SNX6: variants seen among roughly 807,000 people sequenced by gnomAD.
SNX6 encodes sorting nexin 6, also known as sorting nexin-6.
In SNX6, 34 loss-of-function variants were observed where a neutral mutation model predicts 63.0. The observed-to-expected ratio is 0.54, with a 90% CI of 0.41 to 0.72. The LOEUF (loss-of-function observed/expected upper bound fraction) is 0.72. SNX6 is among the 30% of genes least tolerant of loss of function. SNX6 has a pLI of 0.00. For synonymous variants in SNX6, 170 were observed against 164.2 expected (o/e 1.04, Z -0.27); for missense variants, 398 against 471.4 (o/e 0.84, Z 1.44).
chr14:34,619,647 A>C (rs1448817926), intron 2 of SNX6, among the ~76,000 whole-genome samples: 1 of 152,168 alleles, frequency 6.6e-6, no homozygotes, highest in Non-Finnish European at 1.5e-5. Flanking sequence ...TGTAATATAA[A>C]ATTAACTGCT....
intron 6 of SNX6, among the ~76,000 whole-genome samples, chr14:34,599,773 CAA>C (rs58894384): frequency 1.5e-5 from 2 of 129,338 alleles, no homozygotes; most frequent in Non-Finnish European, 3.2e-5. Flanking sequence ...GACTCTGTCT[CAA>C]AAAAAAAAAA....
In SNX6 at chr14:34,608,189, A is replaced by G. The variant is rs116322269; in HGVS notation, c.160-49T>C. On this transcript the variant is annotated intron_variant, in intron 3 of 13. Coordinates refer to ENST00000362031, the MANE Select transcript of SNX6 (RefSeq NM_152233.4). ...AATAAAAATCAAATTTACACTAAAA[A>G]GTTTTTTGAAACTGGGTCTTGCTCT... 2.8e-4 allele frequency: 311 copies of G among 1,125,284 alleles called. 1 individual carries two copies. The African/African-American group carries it at 4.0e-3, about 15-fold the overall frequency. The allele number at this position is 1,125,284 out of a possible 1,614,324, so 69.7% of individuals were successfully genotyped here.
intron 2 of SNX6, among the ~76,000 whole-genome samples, chr14:34,614,842 T>G (rs528250428): frequency 6.6e-6 from 1 of 152,092 alleles, no homozygotes; most frequent in African/African-American, 2.4e-5. Context: ...GAGTTTGAGG[T>G]TGCAGTGAGC....
intron 13 of SNX6, among the ~76,000 whole-genome samples, chr14:34,567,129 C>CGTG (rs1881218746): frequency 6.6e-6 from 1 of 151,820 alleles, no homozygotes; most frequent in Non-Finnish European, 1.5e-5. Context: ...GAGGCTGAGG[C>CGTG]AGAAGAGTTG....
At chr14:34,574,196 C>T (rs34755567) in intron 11 of SNX6, among the ~76,000 whole-genome samples, 54,656 of 150,232 alleles carry the variant, frequency 0.36, 10,311 homozygotes, top group Non-Finnish European at 0.4. Flanking sequence ...ATTAGCCAGG[C>T]GCGGTGGCGG....
intron 10 of SNX6, among the ~76,000 whole-genome samples, 167 bp from the exon 11 acceptor site, chr14:34,576,009 C>T (rs1162515610): frequency 2.7e-5 from 4 of 150,810 alleles, no homozygotes; most frequent in Non-Finnish European, 1.5e-5. Context: ...CTGCAAGCTC[C>T]GCCTCCTGGG....
chr14:34,620,027 A>G (rs1013930997), intron 2 of SNX6, among the ~76,000 whole-genome samples: 3 of 152,116 alleles, frequency 2.0e-5, no homozygotes, highest in Non-Finnish European at 2.9e-5. Context: ...ATAATCGTCA[A>G]CTTTTACATT....
chr14:34,606,757 T>G (rs1883038078), intron 4 of SNX6, among the ~76,000 whole-genome samples: 1 of 151,162 alleles, frequency 6.6e-6, no homozygotes. Flanking sequence ...TTCCAACTCT[T>G]AAGTATCTGT....
chr14:34,598,587 T>G (rs1882690176), intron 6 of SNX6, among the ~76,000 whole-genome samples: 1 of 152,184 alleles, frequency 6.6e-6, no homozygotes. Context: ...TTCACTGTGT[T>G]GGTCAGAGTG....
At chr14:34,610,287 C>G (rs1309655595) in intron 2 of SNX6, among the ~76,000 whole-genome samples, 1 of 130,168 alleles carries the variant, frequency 7.7e-6, no homozygotes, top group East Asian at 2.4e-4. Context: ...GAGCCTAGGT[C>G]AAGGCTACAG....
rs763112481 is a variant in SNX6 at position 34,630,066 on chromosome 14, G to A, written c.6+45C>T. 3.4e-6 allele frequency: 5 copies of A among 1,457,914 alleles called. No individual in the cohort carries two copies. In the South Asian group the frequency reaches 6.8e-5, roughly 20 times the overall value. The allele number at this position is 1,457,914 out of a possible 1,614,324, so 90.3% of individuals were successfully genotyped here. On this transcript the variant is annotated intron_variant, in intron 1 of 13. Coordinates refer to ENST00000362031, the MANE Select transcript of SNX6 (RefSeq NM_152233.4). ...TCCCCGCGCCCGCCCCGCGCCCGCT[G>A]CCCCCACCGCGCTCCCGGGACTCGG...
rs1476876685 is a variant in SNX6 at position 34,629,805 on chromosome 14, G to A, written c.54+102C>T. On this transcript the variant is annotated intron_variant, in intron 2 of 13. Coordinates refer to ENST00000362031, the MANE Select transcript of SNX6 (RefSeq NM_152233.4). Reference sequence around the variant, plus strand: ...AACCGAAAGGAGGACTACGGGGAGGGAGTGCCGCGCGGCTGGGGACCCATC... The same window carrying A: ...AACCGAAAGGAGGACTACGGGGAGGAAGTGCCGCGCGGCTGGGGACCCATC... 23 of 1,499,146 alleles carry A rather than the reference G, an allele frequency of 1.5e-5. 1 individual carries two copies. Among genetic ancestry groups the A allele is most frequent in the African/African-American group, 1.4e-4 (10 of 71,710 alleles). 92.9% of individuals were successfully genotyped at this position (1,499,146 alleles called of 1,614,324 possible).
chr14:34,593,899 A>G (rs1166263290), intron 7 of SNX6, among the ~76,000 whole-genome samples: 2 of 151,970 alleles, frequency 1.3e-5, no homozygotes, highest in East Asian at 3.9e-4. Context: ...TTTTTTTAGT[A>G]GAGACAGGGT....
intron 10 of SNX6, among the ~76,000 whole-genome samples, chr14:34,580,545 C>T (rs958405860): frequency 2.6e-5 from 4 of 152,126 alleles, no homozygotes; most frequent in Non-Finnish European, 4.4e-5. Context: ...TACTGATCCT[C>T]CCACCTCACC....
rs550877775 is a variant in SNX6, at chr14:34,601,826, C to T, written c.516+1522G>A. 9.3e-5 allele frequency among the ~76,000 whole-genome samples: 14 copies of T among 150,968 alleles called. No homozygotes were observed. In the South Asian group the frequency reaches 1.3e-3, roughly 14 times the overall value. Reference sequence around the variant, plus strand: ...GCCAGGCTCGTCTCGAACTCCTGACCTCAGGTGATCTGCCCGGCTTGGCCT... The same window carrying T: ...GCCAGGCTCGTCTCGAACTCCTGACTTCAGGTGATCTGCCCGGCTTGGCCT... On this transcript the variant is annotated intron_variant, in intron 6 of 13. Transcript: ENST00000362031.
At chr14:34,612,244 C>A (rs1325700299) in intron 2 of SNX6, among the ~76,000 whole-genome samples, 1 of 151,862 alleles carries the variant, frequency 6.6e-6, no homozygotes, top group Non-Finnish European at 1.5e-5. Context: ...CCAGGCCAGG[C>A]CACTTTTAAG....
At chr14:34,605,814 G>C in intron 4 of SNX6, 97 bp from the exon 5 acceptor site, 2 of 1,433,516 alleles carry the variant, frequency 1.4e-6, no homozygotes, top group African/African-American at 1.5e-5. Flanking sequence ...GAAAGCTAAG[G>C]GGATCCAGAA....
chr14:34,572,500 G>A (rs541148230), intron 11 of SNX6, among the ~76,000 whole-genome samples: 3 of 152,212 alleles, frequency 2.0e-5, no homozygotes, highest in South Asian at 2.1e-4. Context: ...TATGAACAGT[G>A]TATTTATAAG....
intron 6 of SNX6, among the ~76,000 whole-genome samples, chr14:34,598,670 A>G (rs994314603): frequency 6.6e-6 from 1 of 152,226 alleles, no homozygotes; most frequent in Admixed American, 6.5e-5. Flanking sequence ...GGCATGAGCC[A>G]TCACGACTGG....
Sources: allele counts gnomAD v4.1 joint callset (sites outside exome capture counted in the v4.1 genomes callset), GRCh38; gene constraint gnomAD v4.1.1; transcripts MANE v1.5; gene names NCBI Gene and HGNC (gene_info 2026-07-23, HGNC 2026-07-21).